Variants in ZSWIM6 observed in about 807,000 individuals in gnomAD.
ZSWIM6 encodes the protein zinc finger SWIM domain-containing protein 6.
ZSWIM6 carries 9 observed loss-of-function variants against 113.2 expected under a neutral mutation model. The ratio of observed to expected loss-of-function variants is 0.08; its 90% CI spans 0.05 to 0.14. The LOEUF (loss-of-function observed/expected upper bound fraction) is 0.14. Ranked by LOEUF, ZSWIM6 falls within the 10% of genes least tolerant of loss-of-function variation. The pLI is 1.00. For missense variants in ZSWIM6, 1,162 were observed against 1,552.2 expected (o/e 0.75, Z 4.22); for synonymous variants, 611 against 606.5 (o/e 1.01, Z -0.11).
chr5:61,370,852 C>G (rs1270108976), intron 1 of ZSWIM6, among the ~76,000 whole-genome samples: 1 of 152,120 alleles, frequency 6.6e-6, no homozygotes, highest in Non-Finnish European at 1.5e-5. Flanking sequence ...AACTAAAGAA[C>G]CCCTACAAGT....
rs1749803523 is a variant in ZSWIM6 at position 61,543,659 on chromosome 5, T to C, written c.2990T>C (p.Leu997Pro). 3 of 1,551,642 alleles carry C rather than the reference T, an allele frequency of 1.9e-6. No homozygotes were observed. The highest frequency in any genetic ancestry group is 2.6e-6 in the Non-Finnish European group (3 of 1,147,024). Reference sequence around the variant, plus strand: ...ATGAAGGATCCACAGAACTGTGCCCTCTCTGCGCTAACCCTTTGTGAAAAG... The same window carrying C: ...ATGAAGGATCCACAGAACTGTGCCCCCTCTGCGCTAACCCTTTGTGAAAAG... ...CAMKDPQNCA[L>P]SALTLCEKDH... The change falls in exon 14 of 14, where the codon CTC (leucine) becomes CCC (proline). Residue 997 changes from leucine (L) to proline (P), a missense_variant. Leu to Pro is a moderately conservative substitution (Grantham distance 98). This residue lies in a region of ZSWIM6 where 620 missense variants were observed against 804.6 expected (regional missense o/e 0.77). Transcript: ENST00000252744. The surrounding 1 kb of genome is among the most constrained non-coding windows in gnomAD (Gnocchi z 4.3).
intron 1 of ZSWIM6, among the ~76,000 whole-genome samples, chr5:61,363,372 A>G (rs562785820): frequency 3.3e-4 from 50 of 152,330 alleles, no homozygotes; most frequent in Non-Finnish European, 6.0e-4. Flanking sequence ...TAATCTAGTG[A>G]CATATAGAAC....
At chr5:61,431,089 G>A (rs1265127167) in intron 1 of ZSWIM6, among the ~76,000 whole-genome samples, 1 of 152,020 alleles carries the variant, frequency 6.6e-6, no homozygotes, top group Non-Finnish European at 1.5e-5. Context: ...ATCATCTTAT[G>A]GGTCGGGCAT....
At chr5:61,409,967 G>A (rs1199032190) in intron 1 of ZSWIM6, among the ~76,000 whole-genome samples, 2 of 152,206 alleles carry the variant, frequency 1.3e-5, no homozygotes, top group African/African-American at 4.8e-5. Context: ...ATTTGTAAAA[G>A]TGGCACTGTT....
At chr5:61,491,813 G>A (rs1050314261) in intron 3 of ZSWIM6, among the ~76,000 whole-genome samples, 8 of 150,098 alleles carry the variant, frequency 5.3e-5, no homozygotes, top group African/African-American at 2.0e-4. Context: ...ATAATTAAAA[G>A]TTTTTTTTTT....
chr5:61,372,421 A>G (rs1481266415), intron 1 of ZSWIM6, among the ~76,000 whole-genome samples: 1 of 152,138 alleles, frequency 6.6e-6, no homozygotes, highest in African/African-American at 2.4e-5. Context: ...GTGTTGCTAA[A>G]TTCAGTGGGC....
rs1215711091 is a variant in ZSWIM6 at position 61,424,044 on chromosome 5, AG to A, written c.677-48635del. ...CTGCTGATGGCCAGTTTTTGAAGCA[AG>A]GATGCCTCTGAGTTGCTATCTCAAA... On this transcript the variant is annotated intron_variant, in intron 1 of 13. Transcript: ENST00000252744. Among the ~76,000 whole-genome samples, 3 of 152,222 alleles carry A rather than the reference AG, an allele frequency of 2.0e-5. No individual in the cohort carries two copies. In the East Asian group the frequency reaches 5.8e-4, roughly 29 times the overall value.
At chr5:61,377,349 TA>T in intron 1 of ZSWIM6, among the ~76,000 whole-genome samples, 1 of 151,986 alleles carries the variant, frequency 6.6e-6, no homozygotes, top group Non-Finnish European at 1.5e-5. Context: ...AAAACTTGTA[TA>T]GTTTAGAATG....
intron 1 of ZSWIM6, among the ~76,000 whole-genome samples, chr5:61,393,075 T>C (rs1745758957): frequency 6.6e-6 from 1 of 152,130 alleles, no homozygotes; most frequent in Admixed American, 6.5e-5. Context: ...AGTCTCGCTC[T>C]GTCACCCAGG....
chr5:61,400,449 A>G (rs1167783511), intron 1 of ZSWIM6, among the ~76,000 whole-genome samples: 1 of 152,208 alleles, frequency 6.6e-6, no homozygotes, highest in African/African-American at 2.4e-5. Context: ...GAGCAGCACA[A>G]GGCATGCTAA....
intron 1 of ZSWIM6, among the ~76,000 whole-genome samples, chr5:61,452,968 C>T (rs544537084): frequency 1.3e-5 from 2 of 152,188 alleles, no homozygotes; most frequent in African/African-American, 4.8e-5. Context: ...TTTGAGTTGT[C>T]GATGCTTTTC....
intron 1 of ZSWIM6, among the ~76,000 whole-genome samples, chr5:61,417,825 A>G (rs766568650): frequency 2.0e-5 from 3 of 152,228 alleles, no homozygotes; most frequent in Non-Finnish European, 4.4e-5. Context: ...AGCAGATTGT[A>G]CATATCACAG....
At chr5:61,505,214 A>G (rs1345162224) in intron 4 of ZSWIM6, among the ~76,000 whole-genome samples, 1 of 152,210 alleles carries the variant, frequency 6.6e-6, no homozygotes, top group Non-Finnish European at 1.5e-5. Context: ...CACATGGAAA[A>G]TGTTCTTGCA....
At chr5:61,505,074 G>GAA (rs778906839) in intron 4 of ZSWIM6, among the ~76,000 whole-genome samples, 1 of 152,224 alleles carries the variant, frequency 6.6e-6, no homozygotes, top group Non-Finnish European at 1.5e-5. Flanking sequence ...TTATGTGTCA[G>GAA]TTGAGTCTTC....
intron 1 of ZSWIM6, among the ~76,000 whole-genome samples, chr5:61,394,850 G>A (rs192534139): frequency 6.6e-6 from 1 of 152,262 alleles, no homozygotes; most frequent in Non-Finnish European, 1.5e-5. Flanking sequence ...AGCTGCTACA[G>A]GGGGTACTAA....
At position 61,543,995 on chromosome 5, in the gene ZSWIM6, G is replaced by A. The variant is rs372466113; in HGVS notation, c.3326G>A (p.Arg1109His). 45 of 1,551,908 alleles carry A rather than the reference G, an allele frequency of 2.9e-5. No homozygotes were observed. Among genetic ancestry groups the A allele is most frequent in the East Asian group, 4.9e-5 (2 of 40,910 alleles). Residue 1109 changes from arginine to histidine, a missense_variant, in exon 14 of 14, where the codon CGC (arginine) becomes CAC (histidine). Around this residue, in one of 4 missense-constraint regions of ZSWIM6, gnomAD observed 113 missense variants for 213.8 expected, o/e 0.53. Coordinates refer to ENST00000252744, the MANE Select transcript of ZSWIM6 (RefSeq NM_020928.2). This position sits in a 1 kb window ranked among gnomAD's most constrained non-coding sequence, Gnocchi z 4.3. ...KCATVLSDIL[R>H]RCTLTTPGMV... Reference sequence around the variant, plus strand: ...GCAACGGTACTGTCAGACATTTTGCGCAGATGCACTCTGACCACTCCTGGC... The same window carrying A: ...GCAACGGTACTGTCAGACATTTTGCACAGATGCACTCTGACCACTCCTGGC...
At position 61,449,513 on chromosome 5, in the gene ZSWIM6, C is replaced by T. The variant is rs764783490; in HGVS notation, c.677-23168C>T. 2.3e-4 allele frequency among the ~76,000 whole-genome samples: 35 copies of T among 152,214 alleles called. 1 individual carries two copies. Among genetic ancestry groups the T allele is most frequent in the Middle Eastern group, 6.8e-3 (2 of 294 alleles). On this transcript the variant is annotated intron_variant, in intron 1 of 13. Transcript: ENST00000252744. ...CTGAGTAGCTGAGATTGCAGATGCA[C>T]GCTATTGTACCCAGAAATACTTTTT...
chr5:61,368,038 G>T (rs184237550), intron 1 of ZSWIM6, among the ~76,000 whole-genome samples: 128 of 152,180 alleles, frequency 8.4e-4, no homozygotes, highest in African/African-American at 3.0e-3. Context: ...GAGGCAGGGG[G>T]ATCACTTGAT....
chr5:61,540,219 G>C (rs115092879), intron 12 of ZSWIM6, among the ~76,000 whole-genome samples: 1,562 of 152,250 alleles, frequency 0.01, 22 homozygotes, highest in African/African-American at 0.035. Flanking sequence ...GAGAAAAATA[G>C]GTAAAGGAGG....
Sources: gnomAD v4.1 joint callset for allele counts (sites outside exome capture counted in the v4.1 genomes callset) on GRCh38, gnomAD v4.1.1 for gene constraint, gnomAD v4.1.1 regional missense constraint, Gnocchi (gnomAD v3.1) non-coding constraint, MANE v1.5 for transcripts, NCBI Gene and HGNC (gene_info 2026-07-23, HGNC 2026-07-21) for gene names.